AKT3: variants seen among roughly 807,000 people sequenced by gnomAD.
AKT3 encodes RAC-gamma serine/threonine-protein kinase.
AKT3 carries 15 observed loss-of-function variants against 65.3 expected under a neutral mutation model. The ratio of observed to expected loss-of-function variants is 0.23; its 90% confidence interval spans 0.15 to 0.35. The LOEUF (loss-of-function observed/expected upper bound fraction) is 0.35. AKT3 is among the 10% of genes least tolerant of loss of function. The pLI is 1.00. For synonymous variants in AKT3, 206 were observed against 183.8 expected (o/e 1.12, Z -0.98); for missense variants, 243 against 576.5 (o/e 0.42, Z 5.92).
chr1:243,648,042 G>A (rs1279620249), intron 4 of AKT3, among the ~76,000 whole-genome samples: 1 of 152,142 alleles, frequency 6.6e-6, no homozygotes, highest in African/African-American at 2.4e-5. Flanking sequence ...CGGATTACCT[G>A]AGGTCAGGAG....
Position 243,802,570 on chromosome 1 carries a change from T to A in AKT3, c.46+40555A>T, listed in dbSNP as rs1414139146. ...AGAAGCTGGAACTCTTGGTTTTACA[T>A]CAAAACCAAGATCATTAATTTTCCT... On this transcript the variant is annotated intron_variant, in intron 2 of 13. Coordinates refer to ENST00000673466, the MANE Select transcript of AKT3 (RefSeq NM_005465.7). 2.0e-5 allele frequency among the ~76,000 whole-genome samples: 3 copies of A among 152,190 alleles called. No homozygotes were observed. The East Asian group carries it at 5.8e-4, about 29-fold the overall frequency.
chr1:243,586,007 A>G (rs532202049), intron 8 of AKT3, among the ~76,000 whole-genome samples: 1 of 152,350 alleles, frequency 6.6e-6, no homozygotes, highest in South Asian at 2.1e-4. Flanking sequence ...TCCAAAGTGT[A>G]TAAGAAAGTT....
At chr1:243,514,550 T>C (rs190382930) in intron 12 of AKT3, among the ~76,000 whole-genome samples, 1 of 152,334 alleles carries the variant, frequency 6.6e-6, no homozygotes, top group East Asian at 1.9e-4. Flanking sequence ...ATGATATACA[T>C]GTATTTGTTA....
At chr1:243,808,652 A>G (rs1371501391) in intron 2 of AKT3, among the ~76,000 whole-genome samples, 3 of 152,204 alleles carry the variant, frequency 2.0e-5, no homozygotes, top group Non-Finnish European at 2.9e-5. Flanking sequence ...AAGGCAGGCC[A>G]ACATTCAGAT....
Position 243,502,177 on chromosome 1 carries a change from T to A in AKT3, c.*3072A>T, listed in dbSNP as rs1373583871. ...CACTACCAGGAGCAAGATAAGGAAATTCTACTGTAGACAGTACAAACAGTA... is the reference window on the plus strand; with the variant it reads ...CACTACCAGGAGCAAGATAAGGAAAATCTACTGTAGACAGTACAAACAGTA... On this transcript the variant is annotated 3_prime_UTR_variant, in exon 14 of 14. Coordinates refer to ENST00000673466, the MANE Select transcript of AKT3 (RefSeq NM_005465.7). 1 of 231,898 alleles carries A rather than the reference T, an allele frequency of 4.3e-6. No homozygotes were observed. The highest frequency in any genetic ancestry group is 2.2e-5 in the African/African-American group (1 of 45,276). 14.4% of individuals were successfully genotyped at this position (231,898 alleles called of 1,614,324 possible). A position where few individuals can be genotyped will look rare whatever the true frequency, so the allele number is the denominator to read the frequency against.
chr1:243,711,634 C>G (rs1016807474), intron 2 of AKT3, among the ~76,000 whole-genome samples: 4 of 152,128 alleles, frequency 2.6e-5, no homozygotes, highest in Non-Finnish European at 5.9e-5. Flanking sequence ...GCACATAACA[C>G]CTAATAAAAA....
chr1:243,527,421 T>C (rs930710452), intron 12 of AKT3, among the ~76,000 whole-genome samples: 3 of 152,200 alleles, frequency 2.0e-5, no homozygotes, highest in African/African-American at 2.4e-5. Context: ...TCTAAATCAA[T>C]CTTCCTAGAA....
chr1:243,605,999 C>T (rs1677380414), intron 8 of AKT3, among the ~76,000 whole-genome samples: 1 of 152,162 alleles, frequency 6.6e-6, no homozygotes, highest in Non-Finnish European at 1.5e-5. Context: ...GCACTTCTCT[C>T]TCCTGCTCCT....
intron 12 of AKT3, among the ~76,000 whole-genome samples, chr1:243,533,969 A>G (rs1372873158): frequency 6.6e-6 from 1 of 152,194 alleles, no homozygotes; most frequent in African/African-American, 2.4e-5. Flanking sequence ...CAGCCTGGGC[A>G]ACAGAGCGAG....
At chr1:243,783,565 TA>T (rs923136201) in intron 2 of AKT3, among the ~76,000 whole-genome samples, 2 of 151,704 alleles carry the variant, frequency 1.3e-5, no homozygotes, top group African/African-American at 2.4e-5. Flanking sequence ...GGTGAATTTT[TA>T]AAAAAAAATT....
intron 12 of AKT3, among the ~76,000 whole-genome samples, chr1:243,518,347 C>G (rs1670498552): frequency 6.6e-6 from 1 of 152,016 alleles, no homozygotes; most frequent in Non-Finnish European, 1.5e-5. Context: ...AAAATTGCCT[C>G]AGTATGGCTG....
intron 10 of AKT3, among the ~76,000 whole-genome samples, chr1:243,553,623 A>C (rs1673217355): frequency 6.6e-6 from 1 of 152,060 alleles, no homozygotes; most frequent in Admixed American, 6.6e-5. Context: ...TGTTACAGCA[A>C]AAAAAATGGA....
At chr1:243,659,577 A>G (rs931359520) in intron 4 of AKT3, among the ~76,000 whole-genome samples, 3 of 152,168 alleles carry the variant, frequency 2.0e-5, no homozygotes, top group Non-Finnish European at 2.9e-5. Flanking sequence ...TCAAAGGGGA[A>G]AAAAAGACTA....
rs113544916 is a variant in AKT3, at chr1:243,501,312, T to C, written c.*3937A>G. 1.0e-2 allele frequency: 2,331 copies of C among 233,162 alleles called. 21 individuals are homozygous for C. Among genetic ancestry groups the C allele is most frequent in the Non-Finnish European group, 0.015 (1,732 of 117,972 alleles). 14.4% of individuals were successfully genotyped at this position (233,162 alleles called of 1,614,324 possible). A position where few individuals can be genotyped will look rare whatever the true frequency, so the allele number is the denominator to read the frequency against. ...AAGTTTGTTAATTTGCCATGACATG[T>C]TGTTAGAAATACACTCTAAGAAAGG... On this transcript the variant is annotated 3_prime_UTR_variant, in exon 14 of 14. Coordinates refer to ENST00000673466, the MANE Select transcript of AKT3 (RefSeq NM_005465.7).
intron 2 of AKT3, among the ~76,000 whole-genome samples, chr1:243,745,394 G>A (rs550539254): frequency 2.6e-5 from 4 of 152,114 alleles, no homozygotes; most frequent in Non-Finnish European, 4.4e-5. Flanking sequence ...GAGATATGAT[G>A]TCAAAATTAT....
chr1:243,621,890 T>C (rs1678776619), intron 6 of AKT3, among the ~76,000 whole-genome samples: 2 of 152,138 alleles, frequency 1.3e-5, no homozygotes, highest in Non-Finnish European at 2.9e-5. Context: ...CAAGGTCTCA[T>C]TATCATCACT....
chr1:243,673,312 T>C (rs1402346409), intron 3 of AKT3, among the ~76,000 whole-genome samples: 1 of 152,202 alleles, frequency 6.6e-6, no homozygotes, highest in African/African-American at 2.4e-5. Context: ...TACCATTCAG[T>C]TATAACCATT....
At chr1:243,785,063 A>ATTTTT (rs764079943) in intron 2 of AKT3, among the ~76,000 whole-genome samples, 2 of 134,890 alleles carry the variant, frequency 1.5e-5, no homozygotes, top group African/African-American at 2.8e-5. Context: ...GTCCAACTCA[A>ATTTTT]TTTTTTTTTT....
At chr1:243,555,267 C>T (rs931851957) in intron 10 of AKT3, among the ~76,000 whole-genome samples, 15 of 152,146 alleles carry the variant, frequency 9.9e-5, no homozygotes, top group Non-Finnish European at 1.8e-4. Context: ...AGAGACTTCA[C>T]TATCAATTAG....
Sources: gnomAD v4.1 joint callset for allele counts (sites outside exome capture counted in the v4.1 genomes callset) on GRCh38, gnomAD v4.1.1 for gene constraint, MANE v1.5 for transcripts, NCBI Gene and HGNC (gene_info 2026-07-23, HGNC 2026-07-21) for gene names.